The following PIK3R5 variants were observed in gnomAD, a reference collection of about 807,000 sequenced individuals.
PIK3R5 encodes phosphoinositide-3-kinase regulatory subunit 5.
In PIK3R5, 32 loss-of-function variants were observed where a neutral mutation model predicts 94.9. The ratio of observed to expected loss-of-function variants is 0.34; its 90% CI spans 0.25 to 0.45. PIK3R5 has a LOEUF of 0.45. Among genes scored for constraint, PIK3R5 ranks in the 20% least tolerant of loss-of-function variants. The probability of loss-of-function intolerance (pLI) is 1.00; values close to 1 mark genes in which losing one functional copy is unlikely to be tolerated. For missense variants in PIK3R5, 853 were observed against 1,144.6 expected, an observed-to-expected ratio of 0.75 and a Z score of 3.68; for synonymous variants, 443 against 479.4, an observed-to-expected ratio of 0.92 and a Z score of 0.99.
In PIK3R5 at chr17:8,881,100, C is replaced by T; in HGVS notation, c.2383-83G>A. The T allele has an allele frequency of 9.9e-7, 1 of 1,006,422 alleles. No individual in the cohort carries two copies. The highest frequency in any genetic ancestry group is 1.3e-5 in the South Asian group (1 of 78,016). The allele number at this position is 1,006,422 out of a possible 1,614,324, so 62.3% of individuals were successfully genotyped here. A position where few individuals can be genotyped will look rare whatever the true frequency, so the allele number is the denominator to read the frequency against. On this transcript the variant is annotated intron_variant, in intron 17 of 18. Transcript: ENST00000447110. This position sits in a 1 kb window ranked among gnomAD's most constrained non-coding sequence, Gnocchi z 4.8. ...TGGCAGTTCCTTTTCTCAGAACTGC[C>T]CATCCACTTCTAGGGGTGTGGGAGG...
At chr17:8,950,951 G>A (rs1249551496) in intron 1 of PIK3R5, among the ~76,000 whole-genome samples, 2 of 152,018 alleles carry the variant, frequency 1.3e-5, no homozygotes, top group Admixed American at 6.5e-5. Context: ...CCACAGCCTC[G>A]CCAGCATCTG....
intron 5 of PIK3R5, among the ~76,000 whole-genome samples, chr17:8,902,063 A>G (rs560614322): frequency 2.0e-5 from 3 of 150,998 alleles, no homozygotes; most frequent in Admixed American, 6.6e-5. Context: ...ATTTTTGCCA[A>G]TTTGATAGGG....
chr17:8,950,746 G>A (rs912445962), intron 1 of PIK3R5, among the ~76,000 whole-genome samples: 2 of 152,128 alleles, frequency 1.3e-5, no homozygotes, highest in African/African-American at 4.8e-5. Context: ...TGAATAGTGG[G>A]GTGATGAACA....
Position 8,887,128 on chromosome 17 carries a change from G to A in PIK3R5, c.1873C>T (p.Leu625Phe). ...AGGACTTCAGGGGGCAGGTGCATGAGGCCCAGTACATTGCGCTCATACCAG... is the reference window on the plus strand; with the variant it reads ...AGGACTTCAGGGGGCAGGTGCATGAAGCCCAGTACATTGCGCTCATACCAG... ...DPWYERNVLG[L>F]MHLPPEVLCQ... The change falls in exon 12 of 19, where the codon CTC becomes TTC. Residue 625 changes from leucine to phenylalanine, a missense_variant. This residue lies in a region of PIK3R5 where 173 missense variants were observed against 274.1 expected (regional missense o/e 0.63). Coordinates refer to ENST00000447110, the MANE Select transcript of PIK3R5 (RefSeq NM_001142633.3). 6.2e-7 allele frequency: 1 copy of A among 1,614,070 alleles called. No individual in the cohort carries two copies. Among genetic ancestry groups the A allele is most frequent in the Non-Finnish European group, 8.5e-7 (1 of 1,180,008 alleles).
Position 8,935,249 on chromosome 17 carries a change from C to G in PIK3R5, c.-13-23742G>C, listed in dbSNP as rs2091052419. The stretch of plus-strand genomic sequence containing the variant: ...TAACATAATGGTTCTAACCCCAGTG[C>G]CTGGCACAGGGTCTGGGCAGATTCT... On this transcript the variant is annotated intron_variant, in intron 1 of 18. Coordinates refer to ENST00000447110, the MANE Select transcript of PIK3R5 (RefSeq NM_001142633.3). The surrounding 1 kb of genome is among the most constrained non-coding windows in gnomAD (Gnocchi z 4.5). Among the ~76,000 whole-genome samples, 1 of 152,172 alleles carries G rather than the reference C, an allele frequency of 6.6e-6. No individual in the cohort carries two copies. The highest frequency in any genetic ancestry group is 1.5e-5 in the Non-Finnish European group (1 of 68,032).
At chr17:8,926,541 A>G (rs568021349) in intron 1 of PIK3R5, among the ~76,000 whole-genome samples, 1 of 152,356 alleles carries the variant, frequency 6.6e-6, no homozygotes, top group Non-Finnish European at 1.5e-5. Context: ...GGCAAAAGGC[A>G]CGTCTTACAT....
intron 1 of PIK3R5, among the ~76,000 whole-genome samples, chr17:8,957,782 A>T (rs1451402640): frequency 6.6e-6 from 1 of 152,172 alleles, no homozygotes; most frequent in Non-Finnish European, 1.5e-5. Context: ...ACTGAGGAAG[A>T]GAGAAGAGAA....
chr17:8,926,689 G>T (rs1337474148), intron 1 of PIK3R5, among the ~76,000 whole-genome samples: 1 of 152,090 alleles, frequency 6.6e-6, no homozygotes, highest in Non-Finnish European at 1.5e-5. Context: ...CTCCCACCAG[G>T]TCCCTCCCAC....
intron 1 of PIK3R5, among the ~76,000 whole-genome samples, chr17:8,942,997 A>C (rs1404071605): frequency 1.2e-5 from 1 of 86,884 alleles, no homozygotes; most frequent in East Asian, 2.8e-4. Context: ...CACTTTGCTA[A>C]AACATTTGAA....
At chr17:8,930,957 T>C (rs2090976332) in intron 1 of PIK3R5, among the ~76,000 whole-genome samples, 1 of 152,212 alleles carries the variant, frequency 6.6e-6, no homozygotes, top group African/African-American at 2.4e-5. Context: ...ATATCTTGAC[T>C]GTATCAAGGT....
chr17:8,905,756 G>A lies in PIK3R5; in HGVS notation c.205-19C>T. 6.3e-7 allele frequency: 1 copy of A among 1,574,938 alleles called. No individual in the cohort carries two copies. Among genetic ancestry groups the A allele is most frequent in the Admixed American group, 1.8e-5 (1 of 56,064 alleles). ...CCTGGACCTGTGGAGAGGAGGAGAA[G>A]GGGAATGAGCCTCATTCACGGGGTC... On this transcript the variant is annotated intron_variant, in intron 3 of 18. Transcript: ENST00000447110.
chr17:8,899,111 G>A (rs1468673943), intron 5 of PIK3R5, among the ~76,000 whole-genome samples: 2 of 152,218 alleles, frequency 1.3e-5, no homozygotes, highest in African/African-American at 4.8e-5. Flanking sequence ...TAAACATGTG[G>A]GCTGAGCCCA....
In PIK3R5 at chr17:8,881,024, G is replaced by A. The variant is rs776007154; in HGVS notation, c.2383-7C>T. ...TGATCTGCGATGTGCTAATCTGGAA[G>A]GAAGGCCCAGGTCAGCCCCAAATCC... On this transcript the variant is annotated splice_region_variant and splice_polypyrimidine_tract_variant and intron_variant, in intron 17 of 18. Transcript: ENST00000447110. This position sits in a 1 kb window ranked among gnomAD's most constrained non-coding sequence, Gnocchi z 4.8. 28 of 1,608,396 alleles carry A rather than the reference G, an allele frequency of 1.7e-5. No homozygotes were observed. Among genetic ancestry groups the A allele is most frequent in the Non-Finnish European group, 2.4e-5 (28 of 1,174,930 alleles).
intron 1 of PIK3R5, among the ~76,000 whole-genome samples, chr17:8,961,714 A>AGTGGCAG (rs539842805): frequency 1.5e-3 from 224 of 152,318 alleles, no homozygotes; most frequent in African/African-American, 5.0e-3. Context: ...TGGCAGCAGG[A>AGTGGCAG]GAGAAGCTCC....
chr17:8,938,155 T>A (rs974003225), intron 1 of PIK3R5, among the ~76,000 whole-genome samples: 2 of 152,192 alleles, frequency 1.3e-5, no homozygotes, highest in African/African-American at 4.8e-5. Context: ...TGAAACCATC[T>A]GGGCCTGAAA....
At position 8,942,524 on chromosome 17, in the gene PIK3R5, GGGGTGA is replaced by G. The variant is rs536492117; in HGVS notation, c.-14+23066_-14+23071del. On this transcript the variant is annotated intron_variant, in intron 1 of 18. Coordinates refer to ENST00000447110, the MANE Select transcript of PIK3R5 (RefSeq NM_001142633.3). ...AGGTTCAAAAGACAGTCTGCAGGAG[GGGGTGA>G]GGTGTCTTGGGTGGGAGGAAGGAAG... Among the ~76,000 whole-genome samples the G allele has an allele frequency of 7.3e-3, 1,114 of 152,308 alleles. 4 individuals carry two copies. The highest frequency in any genetic ancestry group is 0.029 in the South Asian group (140 of 4,828).
At chr17:8,920,980 T>G (rs2090732278) in intron 1 of PIK3R5, among the ~76,000 whole-genome samples, 2 of 152,066 alleles carry the variant, frequency 1.3e-5, no homozygotes, top group South Asian at 4.1e-4. Flanking sequence ...TAGCTGGGAT[T>G]ACAGGCATGC....
chr17:8,932,913 G>A lies in PIK3R5; in HGVS notation c.-13-21406C>T, dbSNP rs142700435. 9.8e-3 allele frequency among the ~76,000 whole-genome samples: 1,488 copies of A among 152,058 alleles called. 13 individuals carry two copies. Among genetic ancestry groups the A allele is most frequent in the Non-Finnish European group, 0.014 (938 of 67,966 alleles). On this transcript the variant is annotated intron_variant, in intron 1 of 18. Coordinates refer to ENST00000447110, the MANE Select transcript of PIK3R5 (RefSeq NM_001142633.3). The stretch of plus-strand genomic sequence containing the variant: ...AGCTCTAAAAACCCAAGAAGGATAC[G>A]TGCAAAGAAAACCAGACCTAGGTAT...
chr17:8,953,078 G>A (rs1457408134), intron 1 of PIK3R5, among the ~76,000 whole-genome samples: 1 of 152,182 alleles, frequency 6.6e-6, no homozygotes, highest in African/African-American at 2.4e-5. Context: ...TTGGACCACA[G>A]TTGGGAGAAT....
Sources: allele counts gnomAD v4.1 joint callset (sites outside exome capture counted in the v4.1 genomes callset), GRCh38; gene constraint gnomAD v4.1.1; regional missense constraint gnomAD v4.1.1; non-coding constraint Gnocchi (gnomAD v3.1); transcripts MANE v1.5; gene names NCBI Gene and HGNC (gene_info 2026-07-23, HGNC 2026-07-21).